RWDD2B: variants seen among roughly 807,000 people sequenced by gnomAD.
The protein encoded by RWDD2B is RWD domain containing 2B, also known as RWD domain-containing protein 2B.
A neutral mutation model predicts 33.6 loss-of-function variants in RWDD2B; 36 were observed. The ratio of observed to expected loss-of-function variants is 1.07; its 90% CI spans 0.82 to 1.42. RWDD2B has a LOEUF of 1.42. Among genes scored for constraint, RWDD2B ranks in the 40% most tolerant of loss-of-function variants. RWDD2B has a pLI of 0.00. For missense variants in RWDD2B, 364 were observed against 377.5 expected, an observed-to-expected ratio of 0.96 and a Z score of 0.30; for synonymous variants, 126 against 133.1, an observed-to-expected ratio of 0.95 and a Z score of 0.37.
Position 29,006,610 on chromosome 21 carries a change from C to T in RWDD2B, c.767G>A (p.Arg256Gln), listed in dbSNP as rs2084830224. 12 of 1,608,046 alleles carry T rather than the reference C, an allele frequency of 7.5e-6. No homozygotes were observed. Among genetic ancestry groups the T allele is most frequent in the South Asian group, 1.1e-5 (1 of 89,486 alleles). Residue 256 changes from arginine (R) to glutamine (Q), a missense_variant, in exon 5 of 5, where the codon CGA (arginine) becomes CAA (glutamine). By Grantham distance (43) the Arg-to-Gln change is conservative. Transcript: ENST00000493196. The stretch of plus-strand genomic sequence containing the variant: ...TGTACCATCAAAAGGAATGTCTTCT[C>T]GATGGCGAATTAAAATTCTCTTCCA... Reference protein sequence around the residue: ...LNWKRILIRHREDIPFDGTND... With the variant: ...LNWKRILIRHQEDIPFDGTND...
At chr21:29,007,616 T>C in intron 4 of RWDD2B, 145 bp downstream of exon 4, 1 of 791,998 alleles carries the variant, frequency 1.3e-6, no homozygotes, top group Non-Finnish European at 2.0e-6. Context: ...ATCAGGTTTC[T>C]ATATGTGCTC....
chr21:29,015,224 GTTT>G (rs71189334), intron 1 of RWDD2B, among the ~76,000 whole-genome samples: 2 of 64,810 alleles, frequency 3.1e-5, no homozygotes, highest in South Asian at 1.4e-3. Context: ...ATTATGATGC[GTTT>G]TTTTTTTTTT....
At chr21:29,007,570 T>C (rs2084834499) in intron 4 of RWDD2B, among the ~76,000 whole-genome samples, 191 bp downstream of exon 4, 1 of 152,230 alleles carries the variant, frequency 6.6e-6, no homozygotes, top group Non-Finnish European at 1.5e-5. Flanking sequence ...TGAATATCAT[T>C]CTGATATTCA....
At chr21:29,019,169 C>T in intron 1 of RWDD2B, 42 bp downstream of exon 1, 2 of 1,520,162 alleles carry the variant, frequency 1.3e-6, no homozygotes, top group Non-Finnish European at 1.8e-6. Context: ...GTGGGAAACC[C>T]CCGTGGCGGT....
rs902950440 is a variant in RWDD2B at position 29,006,254 on chromosome 21, A to G, written c.*163T>C. 12 of 502,430 alleles carry G rather than the reference A, an allele frequency of 2.4e-5. No individual in the cohort carries two copies. The highest frequency in any genetic ancestry group is 4.2e-5 in the Non-Finnish European group (12 of 282,656). The allele number at this position is 502,430 out of a possible 1,614,324, so 31.1% of individuals were successfully genotyped here. ...AAACTCAGTTCTGCTTTCAATCATG[A>G]CATTTTTAACAGATGCATTTCAGCT... On this transcript the variant is annotated 3_prime_UTR_variant, in exon 5 of 5. Transcript: ENST00000493196.
At chr21:29,014,424 C>T (rs1050500091) in intron 1 of RWDD2B, among the ~76,000 whole-genome samples, 1 of 152,186 alleles carries the variant, frequency 6.6e-6, no homozygotes, top group Non-Finnish European at 1.5e-5. Flanking sequence ...TCTGAAAGGT[C>T]CCACCACTCA....
Position 29,006,290 on chromosome 21 carries a change from TTCTTGTGCCCCAC to T in RWDD2B, c.*114_*126del. The T allele has an allele frequency of 3.4e-6, 2 of 592,650 alleles. No homozygotes were observed. The highest frequency in any genetic ancestry group is 5.1e-5 in the South Asian group (2 of 39,362). 36.7% of individuals were successfully genotyped at this position (592,650 alleles called of 1,614,324 possible). A position where few individuals can be genotyped will look rare whatever the true frequency, so the allele number is the denominator to read the frequency against. The stretch of plus-strand genomic sequence containing the variant: ...AGATGCATTTCAGCTATACTATTTT[TTCTTGTGCCCCAC>T]TCCCCAACATTCTAGAATGGAACTA... On this transcript the variant is annotated 3_prime_UTR_variant, in exon 5 of 5. Coordinates refer to ENST00000493196, the MANE Select transcript of RWDD2B (RefSeq NM_016940.3).
intron 4 of RWDD2B, 106 bp downstream of exon 4, chr21:29,007,653 TTA>T: frequency 8.4e-7 from 1 of 1,184,376 alleles, no homozygotes; most frequent in Non-Finnish European, 1.2e-6. Context: ...CATCACTGTT[TTA>T]TGTGTTGTCC....
chr21:29,010,185 T>C (rs1289880324), intron 1 of RWDD2B, among the ~76,000 whole-genome samples: 1 of 152,190 alleles, frequency 6.6e-6, no homozygotes, highest in African/African-American at 2.4e-5. Context: ...GATTGTTGTA[T>C]CAACATGTAC....
At chr21:29,014,430 A>G (rs9305386) in intron 1 of RWDD2B, among the ~76,000 whole-genome samples, 135,473 of 152,254 alleles carry the variant, frequency 0.89, 60,569 homozygotes, top group African/African-American at 0.95. Flanking sequence ...AGGTCCCACC[A>G]CTCAACTCTA....
intron 1 of RWDD2B, among the ~76,000 whole-genome samples, chr21:29,010,929 CGA>C (rs1466593597): frequency 6.6e-6 from 1 of 152,234 alleles, no homozygotes; most frequent in Non-Finnish European, 1.5e-5. Context: ...CTCGGCCTCC[CGA>C]GATGCGGGGA....
chr21:29,006,574 G>A lies in RWDD2B; in HGVS notation c.803C>T (p.Thr268Met), dbSNP rs772311092. The change falls in exon 5 of 5, where the codon ACG becomes ATG. Residue 268 changes from threonine to methionine, a missense_variant. Physicochemically the swap from Thr to Met is moderately conservative, Grantham distance 81. Coordinates refer to ENST00000493196, the MANE Select transcript of RWDD2B (RefSeq NM_016940.3). ...DIPFDGTNDE[T>M]ERQRKFSIFE... ...AATGGAAAATTTCCTTTGTCTTTCC[G>A]TTTCATCATTTGTACCATCAAAAGG... 27 of 1,613,350 alleles carry A rather than the reference G, an allele frequency of 1.7e-5. No individual in the cohort carries two copies. Among genetic ancestry groups the A allele is most frequent in the Middle Eastern group, 1.6e-4 (1 of 6,080 alleles).
chr21:29,004,903 A>G lies in RWDD2B; in HGVS notation c.*1514T>C, dbSNP rs2297253. The G allele has an allele frequency of 0.9, 136,709 of 152,292 alleles. 61,653 individuals are homozygous for G. The highest frequency in any genetic ancestry group is 0.97 in the African/African-American group (40,272 of 41,564). 9.4% of individuals were successfully genotyped at this position (152,292 alleles called of 1,614,324 possible). A position where few individuals can be genotyped will look rare whatever the true frequency, so the allele number is the denominator to read the frequency against. ...TTTACTAACTGATTCATTTTGTGATAAGCATAGTTTGCCTACAACCTTTTA... is the reference window on the plus strand; with the variant it reads ...TTTACTAACTGATTCATTTTGTGATGAGCATAGTTTGCCTACAACCTTTTA... On this transcript the variant is annotated 3_prime_UTR_variant, in exon 5 of 5. Coordinates refer to ENST00000493196, the MANE Select transcript of RWDD2B (RefSeq NM_016940.3).
At chr21:29,008,686 C>T (rs932058429) in intron 1 of RWDD2B, 65 bp from the exon 2 acceptor site, 1 of 996,856 alleles carries the variant, frequency 1.0e-6, no homozygotes, top group Non-Finnish European at 1.5e-6. Context: ...AATACATCAA[C>T]ATGTGTACTT....
intron 4 of RWDD2B, among the ~76,000 whole-genome samples, chr21:29,006,883 G>T (rs557447692): frequency 6.6e-6 from 1 of 152,066 alleles, no homozygotes; most frequent in Non-Finnish European, 1.5e-5. Context: ...CAAAGTGCTG[G>T]GATTACAGGT....
chr21:29,006,479 A>G lies in RWDD2B; in HGVS notation c.898T>C (p.Phe300Leu). 6.2e-7 allele frequency: 1 copy of G among 1,614,072 alleles called. No homozygotes were observed. The highest frequency in any genetic ancestry group is 1.3e-5 in the African/African-American group (1 of 75,064). ...TCCCCACATCCTTTGGTGTTTAAGA[A>G]CTGATAGAGCTGACCAAAGTCCATG... is the stretch of plus-strand genomic sequence containing the variant. ...NHMDFGQLYQFLNTKGCGDVF... is the reference protein window; with the variant it reads ...NHMDFGQLYQLLNTKGCGDVF... Residue 300 changes from phenylalanine (F) to leucine (L), a missense_variant, in exon 5 of 5, where the codon TTC (phenylalanine) becomes CTC (leucine). Coordinates refer to ENST00000493196, the MANE Select transcript of RWDD2B (RefSeq NM_016940.3).
intron 1 of RWDD2B, among the ~76,000 whole-genome samples, chr21:29,018,428 G>C (rs1217518587): frequency 2.0e-5 from 3 of 152,146 alleles, no homozygotes; most frequent in African/African-American, 7.2e-5. Context: ...TATAATCTTG[G>C]GAGTCAACAC....
In RWDD2B at chr21:29,005,069, C is replaced by T. The variant is rs1486693523; in HGVS notation, c.*1348G>A. On this transcript the variant is annotated 3_prime_UTR_variant, in exon 5 of 5. Coordinates refer to ENST00000493196, the MANE Select transcript of RWDD2B (RefSeq NM_016940.3). ...AAATAATAAATGCTTTTGGAACTAA[C>T]TGGTTTATGGAGGTCCTCAAAAACT... The T allele has an allele frequency of 6.6e-6, 1 of 152,188 alleles. No individual in the cohort carries two copies. Among genetic ancestry groups the T allele is most frequent in the African/African-American group, 2.4e-5 (1 of 41,446 alleles). 9.4% of individuals were successfully genotyped at this position (152,188 alleles called of 1,614,324 possible).
chr21:29,006,773 T>C (rs1601018532), intron 4 of RWDD2B, 122 bp from the exon 5 acceptor site: 2 of 648,784 alleles, frequency 3.1e-6, no homozygotes, highest in African/African-American at 3.7e-5. Flanking sequence ...TTAAAATGTT[T>C]ATAACTTTTA....
Sources: gnomAD v4.1 joint callset for allele counts (sites outside exome capture counted in the v4.1 genomes callset) on GRCh38, gnomAD v4.1.1 for gene constraint, MANE v1.5 for transcripts, NCBI Gene and HGNC (gene_info 2026-07-23, HGNC 2026-07-21) for gene names.